TRAPPC9: variants seen among roughly 807,000 people sequenced by gnomAD.
TRAPPC9 encodes the protein trafficking protein particle complex subunit 9.
Under a neutral mutation model 124.0 loss-of-function variants are expected in TRAPPC9, and 83 were observed. The observed-to-expected ratio is 0.67, with a 90% CI of 0.56 to 0.80. The LOEUF (loss-of-function observed/expected upper bound fraction) is 0.80. TRAPPC9 is among the 30% of genes least tolerant of loss of function. The pLI is 0.00. For synonymous variants in TRAPPC9, 638 were observed against 617.5 expected, an observed-to-expected ratio of 1.03 and a Z score of -0.49; for missense variants, 1,302 against 1,508.3, an observed-to-expected ratio of 0.86 and a Z score of 2.27.
chr8:139,732,546 A>G (rs922241122), intron 21 of TRAPPC9, among the ~76,000 whole-genome samples: 1 of 152,154 alleles, frequency 6.6e-6, no homozygotes, highest in African/African-American at 2.4e-5. Context: ...GACACCGTAG[A>G]GGCGAGGGCG....
chr8:140,193,477 A>G (rs1162927575), intron 17 of TRAPPC9, among the ~76,000 whole-genome samples: 1 of 152,172 alleles, frequency 6.6e-6, no homozygotes, highest in African/African-American at 2.4e-5. Context: ...AAATCTTCAA[A>G]GTTGAGCTGA....
intron 9 of TRAPPC9, among the ~76,000 whole-genome samples, chr8:140,319,044 G>C (rs898648833): frequency 6.6e-6 from 1 of 152,204 alleles, no homozygotes; most frequent in Non-Finnish European, 1.5e-5. Flanking sequence ...GATTTGGTTA[G>C]TGGGAGGTGA....
At chr8:140,339,135 G>C (rs1042366076) in intron 9 of TRAPPC9, among the ~76,000 whole-genome samples, 3 of 151,942 alleles carry the variant, frequency 2.0e-5, no homozygotes, top group Non-Finnish European at 2.9e-5. Flanking sequence ...GCCACCTACA[G>C]GCCAGAGAAA....
intron 16 of TRAPPC9, among the ~76,000 whole-genome samples, chr8:140,232,254 T>C (rs1444590948): frequency 7.9e-5 from 12 of 151,934 alleles, no homozygotes. Flanking sequence ...CACTTCTCTG[T>C]AGTATAAGAA....
intron 21 of TRAPPC9, among the ~76,000 whole-genome samples, chr8:139,877,459 G>A (rs528798215): frequency 2.0e-5 from 3 of 152,314 alleles, no homozygotes; most frequent in East Asian, 3.9e-4. Context: ...ACTGTTCATG[G>A]GCTGAGACGG....
intron 21 of TRAPPC9, among the ~76,000 whole-genome samples, chr8:139,841,223 T>C (rs1225109699): frequency 6.6e-6 from 1 of 152,212 alleles, no homozygotes; most frequent in African/African-American, 2.4e-5. Context: ...TGCCTCCCTC[T>C]TCTCCTCTGA....
chr8:139,874,677 G>C (rs965779628), intron 21 of TRAPPC9, among the ~76,000 whole-genome samples: 1 of 152,206 alleles, frequency 6.6e-6, no homozygotes, highest in Non-Finnish European at 1.5e-5. Context: ...TCACAGGGAA[G>C]ATAGACAGGC....
At position 140,435,378 on chromosome 8, in the gene TRAPPC9, G is replaced by A. The variant is rs150305259; in HGVS notation, c.731-138C>T. On this transcript the variant is annotated intron_variant, in intron 3 of 22. Coordinates refer to ENST00000438773, the MANE Select transcript of TRAPPC9 (RefSeq NM_001160372.4). ...TTAAACAGGTGGATTATTTGGAAAT[G>A]CCAATTTTTCTCCCAAAACAAAGAT... is the stretch of plus-strand genomic sequence containing the variant. The A allele has an allele frequency of 6.1e-4, 764 of 1,261,266 alleles. 4 individuals carry two copies. The African/African-American group carries it at 0.01, about 17-fold the overall frequency. The allele number at this position is 1,261,266 out of a possible 1,614,324, so 78.1% of individuals were successfully genotyped here.
chr8:139,804,595 C>T (rs2130705805), intron 21 of TRAPPC9, among the ~76,000 whole-genome samples: 1 of 129,470 alleles, frequency 7.7e-6, no homozygotes, highest in African/African-American at 3.1e-5. Flanking sequence ...CCACCAAGCA[C>T]CACCACCACA....
chr8:139,963,749 CAAA>C (rs58224556), intron 19 of TRAPPC9, among the ~76,000 whole-genome samples: 2 of 107,352 alleles, frequency 1.9e-5, no homozygotes, highest in African/African-American at 4.0e-5. Context: ...CCAGTTCTAC[CAAA>C]AAAAAAAAAA....
At chr8:140,131,986 A>G (rs1008051409) in intron 17 of TRAPPC9, among the ~76,000 whole-genome samples, 8 of 152,184 alleles carry the variant, frequency 5.3e-5, no homozygotes, top group South Asian at 4.1e-4. Flanking sequence ...CGGCCCCCCA[A>G]TGAGGACATC....
chr8:140,167,902 G>A (rs1309619503), intron 17 of TRAPPC9, among the ~76,000 whole-genome samples: 1 of 152,176 alleles, frequency 6.6e-6, no homozygotes, highest in Non-Finnish European at 1.5e-5. Flanking sequence ...GAATGAACCT[G>A]CTCAAAGAGC....
rs570993875 is a variant in TRAPPC9, at chr8:140,083,943, G to C, written c.2557-59864C>G. Among the ~76,000 whole-genome samples the C allele has an allele frequency of 1.6e-3, 249 of 152,256 alleles. 4 individuals are homozygous for C. The highest frequency in any genetic ancestry group is 1.0e-3 in the South Asian group (5 of 4,818). On this transcript the variant is annotated intron_variant, in intron 17 of 22. Transcript: ENST00000438773. ...GCCTCCCAAAGTGCTGGGATTACAG[G>C]CATGAGCGCCGCACCTGGCCCAGGC...
chr8:140,389,995 C>T lies in TRAPPC9; in HGVS notation c.1134+7625G>A, dbSNP rs1047164289. Among the ~76,000 whole-genome samples the T allele has an allele frequency of 9.2e-5, 14 of 152,148 alleles. No individual in the cohort carries two copies. In the East Asian group the frequency reaches 9.6e-4, roughly 10 times the overall value. On this transcript the variant is annotated intron_variant, in intron 7 of 22. Coordinates refer to ENST00000438773, the MANE Select transcript of TRAPPC9 (RefSeq NM_001160372.4). ...AGAGACTCAGCTCTAAGGCTCCTAA[C>T]AGCTAAAGCAAAACGATAAAGATGA...
chr8:140,231,285 T>C (rs1486973524), intron 16 of TRAPPC9, among the ~76,000 whole-genome samples: 2 of 152,146 alleles, frequency 1.3e-5, no homozygotes, highest in Non-Finnish European at 2.9e-5. Context: ...AGTTGTGTCA[T>C]GTGGCAGCCA....
Position 140,283,946 on chromosome 8 carries a change from G to A in TRAPPC9, c.2057C>T (p.Ser686Phe), listed in dbSNP as rs765364454. 6.2e-7 allele frequency: 1 copy of A among 1,614,148 alleles called. No homozygotes were observed. The highest frequency in any genetic ancestry group is 1.7e-5 in the Admixed American group (1 of 60,018). Residue 686 changes from serine (S) to phenylalanine (F), a missense_variant, in exon 14 of 23, where the codon TCC (serine) becomes TTC (phenylalanine). Coordinates refer to ENST00000438773, the MANE Select transcript of TRAPPC9 (RefSeq NM_001160372.4). ...CAACGCGGGAATGACTTCCACTGTG[G>A]AGCCACTGGTTTTTATTCCCGGCAG... ...DNLPGIKTSG[S>F]TVEVIPALPR...
At chr8:140,114,430 A>C (rs776898990) in intron 17 of TRAPPC9, among the ~76,000 whole-genome samples, 5 of 152,178 alleles carry the variant, frequency 3.3e-5, no homozygotes, top group African/African-American at 4.8e-5. Context: ...ATGTAGTCCA[A>C]AGTAGAAATC....
In TRAPPC9 at chr8:140,405,544, T is replaced by C. The variant is rs201260594; in HGVS notation, c.1008+33A>G. 3.2e-5 allele frequency: 51 copies of C among 1,613,072 alleles called. 1 individual carries two copies. The East Asian group carries it at 1.1e-3, about 35-fold the overall frequency. On this transcript the variant is annotated intron_variant, in intron 6 of 22. Transcript: ENST00000438773. Reference sequence around the variant, plus strand: ...GAAACTTCTGATTAAACAACACAACTGTGTAAAAAAAATCACAAAGCCATA... The same window carrying C: ...GAAACTTCTGATTAAACAACACAACCGTGTAAAAAAAATCACAAAGCCATA...
In TRAPPC9 at chr8:140,123,581, G is replaced by T. The variant is rs138966588; in HGVS notation, c.2556+97878C>A. Among the ~76,000 whole-genome samples, 655 of 152,300 alleles carry T rather than the reference G, an allele frequency of 4.3e-3. 3 individuals carry two copies. The highest frequency in any genetic ancestry group is 0.015 in the African/African-American group (621 of 41,560). Reference sequence around the variant, plus strand: ...CCACGAGCCCCACCCCAACTGCACAGCTGGGTTCTTCTCACCCCACTGCAC... The same window carrying T: ...CCACGAGCCCCACCCCAACTGCACATCTGGGTTCTTCTCACCCCACTGCAC... On this transcript the variant is annotated intron_variant, in intron 17 of 22. Coordinates refer to ENST00000438773, the MANE Select transcript of TRAPPC9 (RefSeq NM_001160372.4).
Sources: allele counts gnomAD v4.1 joint callset (sites outside exome capture counted in the v4.1 genomes callset), GRCh38; gene constraint gnomAD v4.1.1; transcripts MANE v1.5; gene names NCBI Gene and HGNC (gene_info 2026-07-23, HGNC 2026-07-21).